The following POLD3 variants were observed in gnomAD, a reference collection of about 807,000 sequenced individuals.
POLD3 encodes DNA polymerase delta subunit 3.
A neutral mutation model predicts 58.2 loss-of-function variants in POLD3; 19 were observed. The observed-to-expected ratio is 0.33, with a 90% CI of 0.23 to 0.48. The LOEUF (loss-of-function observed/expected upper bound fraction) is 0.48. Among genes scored for constraint, POLD3 ranks in the 20% least tolerant of loss-of-function variants. POLD3 has a pLI of 0.99. For missense variants in POLD3, 504 were observed against 545.5 expected, an observed-to-expected ratio of 0.92 and a Z score of 0.76; for synonymous variants, 172 against 193.5, an observed-to-expected ratio of 0.89 and a Z score of 0.92.
At chr11:74,603,264 G>A (rs2031563057) in intron 2 of POLD3, among the ~76,000 whole-genome samples, 1 of 152,172 alleles carries the variant, frequency 6.6e-6, no homozygotes. Flanking sequence ...GAGGAGAAGA[G>A]GAATTGATAC....
chr11:74,665,890 G>T (rs903485297), intron 4 of POLD3, among the ~76,000 whole-genome samples: 1 of 152,138 alleles, frequency 6.6e-6, no homozygotes, highest in Non-Finnish European at 1.5e-5. Flanking sequence ...CATTGTACTG[G>T]AGGCTCTAGC....
At chr11:74,623,931 A>G (rs2032346493) in intron 7 of POLD3, among the ~76,000 whole-genome samples, 1 of 152,234 alleles carries the variant, frequency 6.6e-6, no homozygotes, top group African/African-American at 2.4e-5. Flanking sequence ...TGAAACCAAG[A>G]CAGAAGAAAC....
At chr11:74,669,032 C>A (rs1378454527) in exon 5 of POLD3, 1 of 336,814 alleles carries the variant, frequency 3.0e-6, no homozygotes, top group Admixed American at 4.3e-5. Context: ...CCTGGGTATT[C>A]AAATGATAAG....
At chr11:74,653,062 T>C (rs957046033) in intron 4 of POLD3, among the ~76,000 whole-genome samples, 6 of 152,200 alleles carry the variant, frequency 3.9e-5, no homozygotes, top group Non-Finnish European at 8.8e-5. Flanking sequence ...AGGAGATGAA[T>C]GGACTTCAAA....
intron 4 of POLD3, among the ~76,000 whole-genome samples, chr11:74,648,950 A>T (rs1429767333): frequency 6.6e-6 from 1 of 152,178 alleles, no homozygotes; most frequent in East Asian, 1.9e-4. Context: ...GAAACTCAGG[A>T]GAGGAGAGTA....
intron 10 of POLD3, 22 bp from the exon 11 acceptor site, chr11:74,636,175 A>G (rs1306964263): frequency 3.4e-5 from 54 of 1,604,352 alleles, no homozygotes; most frequent in Non-Finnish European, 4.5e-5. Flanking sequence ...CCAGCTTAAC[A>G]TTGTATCCTC....
chr11:74,601,130 T>A (rs1287105725), intron 2 of POLD3, among the ~76,000 whole-genome samples: 1 of 152,196 alleles, frequency 6.6e-6, no homozygotes, highest in Non-Finnish European at 1.5e-5. Context: ...TGACTGATGA[T>A]ATGGGCAGGA....
intron 4 of POLD3, among the ~76,000 whole-genome samples, chr11:74,612,118 G>A (rs1041719586): frequency 1.3e-4 from 20 of 152,282 alleles, no homozygotes; most frequent in Non-Finnish European, 2.2e-4. Context: ...TGAGGAGGGT[G>A]GAGGGCAGCC....
At chr11:74,630,332 AAAAC>A (rs1448761105) in intron 9 of POLD3, among the ~76,000 whole-genome samples, 1 of 152,248 alleles carries the variant, frequency 6.6e-6, no homozygotes, top group Non-Finnish European at 1.5e-5. Context: ...GAGTGAAAAA[AAAAC>A]AAATTATATA....
intron 2 of POLD3, among the ~76,000 whole-genome samples, chr11:74,600,207 A>T (rs2031440478): frequency 6.6e-6 from 1 of 151,842 alleles, no homozygotes; most frequent in South Asian, 2.1e-4. Flanking sequence ...GCCTCCTAAC[A>T]TGCTGGGATT....
chr11:74,667,694 GA>G, intron 4 of POLD3, among the ~76,000 whole-genome samples: 1 of 152,242 alleles, frequency 6.6e-6, no homozygotes, highest in Non-Finnish European at 1.5e-5. Flanking sequence ...CTTGGGTTTG[GA>G]AAACCTTTCT....
rs143536273 is a variant in POLD3, at chr11:74,662,506, A to G, written c.370-6271A>G. 4.7e-3 allele frequency among the ~76,000 whole-genome samples: 719 copies of G among 152,142 alleles called. 6 individuals carry two copies. The highest frequency in any genetic ancestry group is 0.017 in the African/African-American group (686 of 41,518). On this transcript the variant is annotated intron_variant, in intron 4 of 4. Coordinates refer to the POLD3 transcript ENST00000524752. ...GCTAGGGCCTGGAACGGGGGCCTCA[A>G]AACTCTTCCCACTGCCCTATCCTGT...
At chr11:74,594,148 ATTGGAATTTTTTTT>A (rs1565108233) in intron 2 of POLD3, 32 bp downstream of exon 2, 1 of 1,357,522 alleles carries the variant, frequency 7.4e-7, no homozygotes, top group East Asian at 2.3e-5. Context: ...TTTTAATCAT[ATTGGAATTTTTTTT>A]TGTTTTGTTA....
At chr11:74,614,534 C>T (rs2032019553) in intron 5 of POLD3, among the ~76,000 whole-genome samples, 1 of 152,164 alleles carries the variant, frequency 6.6e-6, no homozygotes, top group Non-Finnish European at 1.5e-5. Context: ...CACGGTGAAA[C>T]CCCGTCTCTA....
At chr11:74,602,923 C>T (rs1264991942) in intron 2 of POLD3, among the ~76,000 whole-genome samples, 1 of 152,192 alleles carries the variant, frequency 6.6e-6, no homozygotes, top group Non-Finnish European at 1.5e-5. Context: ...CTTGCTGGCT[C>T]CCTCCCTCCC....
In POLD3 at chr11:74,592,654, G is replaced by C. The variant is rs2031072673; in HGVS notation, c.-5G>C. The C allele has an allele frequency of 1.5e-5, 24 of 1,610,586 alleles. No homozygotes were observed. In the East Asian group the frequency reaches 5.4e-4, roughly 36 times the overall value. ...GTTAGAGGCGGGTCCCAGCGCTGCCGCACCATGGCGGACCAGCTTTATCTG... is the reference window on the plus strand; with the variant it reads ...GTTAGAGGCGGGTCCCAGCGCTGCCCCACCATGGCGGACCAGCTTTATCTG... On this transcript the variant is annotated 5_prime_UTR_variant, in exon 1 of 12. Transcript: ENST00000263681.
intron 4 of POLD3, among the ~76,000 whole-genome samples, chr11:74,651,959 C>T (rs868619075): frequency 6.6e-6 from 1 of 152,186 alleles, no homozygotes; most frequent in South Asian, 2.1e-4. Context: ...GTAGATAGAG[C>T]AGATAGTACC....
intron 4 of POLD3, among the ~76,000 whole-genome samples, chr11:74,651,133 A>G (rs1565133145): frequency 6.6e-6 from 1 of 152,226 alleles, no homozygotes; most frequent in Non-Finnish European, 1.5e-5. Flanking sequence ...CCTCCACCAC[A>G]ATATAAGTTC....
At chr11:74,662,583 C>G (rs1338031675) in intron 4 of POLD3, among the ~76,000 whole-genome samples, 1 of 151,910 alleles carries the variant, frequency 6.6e-6, no homozygotes, top group Non-Finnish European at 1.5e-5. Context: ...TTACCCTTCC[C>G]TCTCCTCAAG....
Sources: allele counts gnomAD v4.1 joint callset (sites outside exome capture counted in the v4.1 genomes callset), GRCh38; gene constraint gnomAD v4.1.1; transcripts MANE v1.5; gene names NCBI Gene and HGNC (gene_info 2026-07-23, HGNC 2026-07-21).